The following AGBL1 variants were observed in gnomAD, a reference collection of about 807,000 sequenced individuals.
AGBL1 encodes the protein AGBL carboxypeptidase 1, also known as cytosolic carboxypeptidase 4.
In AGBL1, 130 loss-of-function variants were observed where a neutral mutation model predicts 118.9. That is an observed-to-expected ratio of 1.09 (90% CI 0.95 to 1.26). The LOEUF (loss-of-function observed/expected upper bound fraction) is 1.26. Ranked by LOEUF, AGBL1 falls within the 50% of genes most tolerant of loss-of-function variation. The pLI, the probability that AGBL1 is intolerant of heterozygous loss-of-function variation, is 0.00. For missense variants in AGBL1, 1,584 were observed against 1,298.1 expected, an observed-to-expected ratio of 1.22 and a Z score of -3.38; for synonymous variants, 555 against 478.9, an observed-to-expected ratio of 1.16 and a Z score of -2.08.
intron 24 of AGBL1, among the ~76,000 whole-genome samples, chr15:87,005,542 A>C (rs1036536998): frequency 6.6e-6 from 1 of 152,314 alleles, no homozygotes; most frequent in African/African-American, 2.4e-5. Flanking sequence ...CAGCTCCATC[A>C]GGTCCTTTAA....
At chr15:86,399,834 C>T (rs911998583) in intron 18 of AGBL1, among the ~76,000 whole-genome samples, 2 of 152,122 alleles carry the variant, frequency 1.3e-5, no homozygotes, top group Admixed American at 6.6e-5. Context: ...TCATCATTAC[C>T]ATTATTTATT....
chr15:86,974,081 A>G (rs1182609776), intron 23 of AGBL1, among the ~76,000 whole-genome samples: 3 of 83,064 alleles, frequency 3.6e-5, no homozygotes, highest in African/African-American at 1.5e-4. Context: ...AAATATAAAC[A>G]TTTTAATATA....
intron 18 of AGBL1, among the ~76,000 whole-genome samples, chr15:86,433,680 G>A (rs2081967702): frequency 2.0e-5 from 3 of 152,126 alleles, no homozygotes; most frequent in African/African-American, 7.2e-5. Context: ...GTGCCCCTCA[G>A]TTTAAGCTTC....
rs188180376 is a variant in AGBL1, at chr15:86,560,826, G to A, written c.2994+6289G>A. On this transcript the variant is annotated intron_variant, in intron 21 of 22. Coordinates refer to ENST00000614907, the MANE Select transcript of AGBL1 (RefSeq NM_001386094.1). The stretch of plus-strand genomic sequence containing the variant: ...GTTGTTTCCTGACTTTTTAATGATC[G>A]CCATTCTAACTGGTGTGAGATGGTA... Among the ~76,000 whole-genome samples the A allele has an allele frequency of 1.6e-3, 246 of 152,244 alleles. 3 individuals are homozygous for A. Among genetic ancestry groups the A allele is most frequent in the Non-Finnish European group, 3.0e-3 (203 of 68,020 alleles).
rs1358186459 is a variant in AGBL1 at position 87,012,975 on chromosome 15, T to C, written c.3324-15850T>C. Reference sequence around the variant, plus strand: ...ACTTGGAATTTCAAATCTTCAACCTTGTCCTGGATGCGGTTGCAACAATGC... The same window carrying C: ...ACTTGGAATTTCAAATCTTCAACCTCGTCCTGGATGCGGTTGCAACAATGC... On this transcript the variant is annotated intron_variant, in intron 24 of 24. Coordinates refer to the AGBL1 transcript ENST00000441037. 2.6e-5 allele frequency among the ~76,000 whole-genome samples: 4 copies of C among 152,148 alleles called. No homozygotes were observed. In the South Asian group the frequency reaches 6.2e-4, roughly 24 times the overall value.
chr15:86,724,752 C>A (rs1332031744), intron 22 of AGBL1, among the ~76,000 whole-genome samples: 1 of 151,934 alleles, frequency 6.6e-6, no homozygotes, highest in Non-Finnish European at 1.5e-5. Context: ...TGGTGCTATC[C>A]CTTCAGTATA....
rs1024821351 is a variant in AGBL1 at position 86,241,875 on chromosome 15, G to C, written c.527-5796G>C. On this transcript the variant is annotated intron_variant, in intron 6 of 22. Transcript: ENST00000614907. ...GGCCCCTGAAGCTTCTGTTCTTCTT[G>C]TTGTTATGATTTGGCTGTGTCTCTA... 2.6e-5 allele frequency among the ~76,000 whole-genome samples: 4 copies of C among 152,152 alleles called. No individual in the cohort carries two copies. In the East Asian group the frequency reaches 5.8e-4, roughly 22 times the overall value.
intron 18 of AGBL1, among the ~76,000 whole-genome samples, chr15:86,463,197 G>A (rs1321213838): frequency 6.6e-6 from 1 of 152,022 alleles, no homozygotes; most frequent in Non-Finnish European, 1.5e-5. Context: ...CAGTGATGAT[G>A]AGCATTTTTT....
At chr15:86,878,020 A>G (rs1206752102) in intron 22 of AGBL1, among the ~76,000 whole-genome samples, 5 of 152,320 alleles carry the variant, frequency 3.3e-5, no homozygotes, top group Non-Finnish European at 7.3e-5. Flanking sequence ...AACACTGGAA[A>G]GTGTAAACTG....
intron 17 of AGBL1, among the ~76,000 whole-genome samples, chr15:86,380,726 G>C (rs999566122): frequency 3.9e-5 from 6 of 152,172 alleles, no homozygotes; most frequent in African/African-American, 7.2e-5. Flanking sequence ...GCACATGCTT[G>C]GCTTAAAAAT....
intron 17 of AGBL1, among the ~76,000 whole-genome samples, chr15:86,298,272 T>TATATATATATAC (rs2079684553): frequency 3.5e-5 from 4 of 114,002 alleles, no homozygotes; most frequent in Admixed American, 8.4e-5. Context: ...TATATATATA[T>TATATATATATAC]ATATATATGG....
At chr15:86,232,898 G>A (rs1416287343) in intron 6 of AGBL1, among the ~76,000 whole-genome samples, 1 of 152,174 alleles carries the variant, frequency 6.6e-6, no homozygotes, top group African/African-American at 2.4e-5. Flanking sequence ...GGGAAGGAGG[G>A]TAGGGAGTAG....
At chr15:86,839,585 T>TAAAC (rs2079217281) in intron 22 of AGBL1, among the ~76,000 whole-genome samples, 1 of 152,200 alleles carries the variant, frequency 6.6e-6, no homozygotes, top group Non-Finnish European at 1.5e-5. Flanking sequence ...ATGTAGGATG[T>TAAAC]TTAGCAGTAT....
chr15:86,503,445 C>G (rs2082939530), intron 18 of AGBL1, among the ~76,000 whole-genome samples: 1 of 150,808 alleles, frequency 6.6e-6, no homozygotes, highest in Admixed American at 6.6e-5. Context: ...CTCTTCTAAT[C>G]TTTATTGTTT....
At position 86,883,235 on chromosome 15, in the gene AGBL1, C is replaced by A. The variant is rs114594860; in HGVS notation, c.3159-23852C>A. Among the ~76,000 whole-genome samples, 1,272 of 152,248 alleles carry A rather than the reference C, an allele frequency of 8.4e-3. 14 individuals are homozygous for A. The highest frequency in any genetic ancestry group is 0.03 in the African/African-American group (1,229 of 41,536). On this transcript the variant is annotated intron_variant, in intron 22 of 22. Coordinates refer to ENST00000614907, the MANE Select transcript of AGBL1 (RefSeq NM_001386094.1). ...GCTAATAAAATGGAGTGTGCTTCAG[C>A]ATCTTCTTTAGAAACACAACATAAA...
intron 22 of AGBL1, among the ~76,000 whole-genome samples, chr15:86,886,320 A>C (rs1044859410): frequency 1.3e-5 from 2 of 152,248 alleles, no homozygotes; most frequent in Admixed American, 6.5e-5. Flanking sequence ...TTGGGAAGAA[A>C]TGGCCCACGT....
intron 22 of AGBL1, among the ~76,000 whole-genome samples, chr15:86,906,832 G>T (rs1720425370): frequency 6.6e-6 from 1 of 152,168 alleles, no homozygotes; most frequent in African/African-American, 2.4e-5. Context: ...AAGCCTCAAG[G>T]TTGAGGACAC....
At chr15:86,359,594 G>T (rs1467179088) in intron 17 of AGBL1, among the ~76,000 whole-genome samples, 2 of 151,222 alleles carry the variant, frequency 1.3e-5, no homozygotes, top group East Asian at 1.9e-4. Context: ...TGTCATTGGG[G>T]TTTTGACAAG....
chr15:86,110,064 C>T (rs1361372820), intron 1 of AGBL1: 2 of 152,238 alleles, frequency 1.3e-5, no homozygotes, highest in Admixed American at 6.5e-5. Flanking sequence ...TATGTAAACA[C>T]ATGACTGGGA....
Sources: allele counts gnomAD v4.1 joint callset (sites outside exome capture counted in the v4.1 genomes callset), GRCh38; gene constraint gnomAD v4.1.1; transcripts MANE v1.5; gene names NCBI Gene and HGNC (gene_info 2026-07-23, HGNC 2026-07-21).